SLC35F3: variants seen among roughly 807,000 people sequenced by gnomAD.
The protein encoded by SLC35F3 is solute carrier family 35 member F3.
Under a neutral mutation model 49.9 loss-of-function variants are expected in SLC35F3, and 25 were observed. The observed-to-expected ratio is 0.50, with a 90% CI of 0.37 to 0.70. The LOEUF (loss-of-function observed/expected upper bound fraction) is 0.70. SLC35F3 is among the 30% of genes least tolerant of loss of function. The probability of loss-of-function intolerance (pLI) is 0.00; values close to 1 mark genes in which losing one functional copy is unlikely to be tolerated. For missense variants in SLC35F3, 525 were observed against 639.8 expected (o/e 0.82, Z 1.94); for synonymous variants, 275 against 265.4 (o/e 1.04, Z -0.35).
chr1:233,967,378 A>G (rs1046865932), intron 2 of SLC35F3, among the ~76,000 whole-genome samples: 5 of 152,222 alleles, frequency 3.3e-5, no homozygotes, highest in African/African-American at 4.8e-5. Context: ...ACTTTACCTT[A>G]TTAGATAAGA....
intron 2 of SLC35F3, among the ~76,000 whole-genome samples, chr1:234,152,055 C>T (rs969374553): frequency 2.0e-5 from 3 of 150,540 alleles, no homozygotes; most frequent in African/African-American, 7.3e-5. Flanking sequence ...CCCCAAATGA[C>T]CAAGACCCAG....
chr1:234,211,044 G>A (rs966187845), intron 2 of SLC35F3, among the ~76,000 whole-genome samples: 3 of 152,256 alleles, frequency 2.0e-5, no homozygotes, highest in Non-Finnish European at 2.9e-5. Flanking sequence ...AGCAGTAGCT[G>A]AAAGGGGCCA....
chr1:234,134,212 T>C (rs7340109), intron 2 of SLC35F3, among the ~76,000 whole-genome samples: 70,400 of 150,556 alleles, frequency 0.47, 17,582 homozygotes, highest in Non-Finnish European at 0.56. Context: ...CAAAACTGAC[T>C]AAGTTTCTGC....
Position 234,320,114 on chromosome 1 carries a change from A to C in SLC35F3, c.1164A>C (p.Leu388Phe). ...TTATTTCAGCATTCAATATTGTATT[A>C]AATTTTGGAATTGCCGTTACATATC... ...SVLLLTFNIVLNFGIAVTYPT... is the reference protein window; with the variant it reads ...SVLLLTFNIVFNFGIAVTYPT... The change falls in exon 7 of 8, where the codon TTA becomes TTC. Residue 388 changes from leucine (L) to phenylalanine (F), a missense_variant. Leu to Phe is a conservative substitution (Grantham distance 22). This residue lies in a region of SLC35F3 where 216 missense variants were observed against 298.1 expected (regional missense o/e 0.72). Coordinates refer to ENST00000366618, the MANE Select transcript of SLC35F3 (RefSeq NM_173508.4). The surrounding 1 kb of genome is among the most constrained non-coding windows in gnomAD (Gnocchi z 4.8). 1.2e-6 allele frequency: 2 copies of C among 1,608,982 alleles called. No homozygotes were observed. The highest frequency in any genetic ancestry group is 1.7e-6 in the Non-Finnish European group (2 of 1,175,302).
At chr1:234,151,632 A>G (rs1006480175) in intron 2 of SLC35F3, among the ~76,000 whole-genome samples, 2 of 152,110 alleles carry the variant, frequency 1.3e-5, no homozygotes, top group African/African-American at 4.8e-5. Flanking sequence ...AAACTAGAAG[A>G]AACTCAAGAG....
At chr1:234,239,372 G>A (rs957555449) in intron 3 of SLC35F3, among the ~76,000 whole-genome samples, 83 of 152,298 alleles carry the variant, frequency 5.4e-4, no homozygotes, top group Middle Eastern at 6.8e-3. Context: ...CTATCCCAAT[G>A]TAAGAAATGT....
chr1:234,198,747 AT>A (rs1666851660), intron 2 of SLC35F3, among the ~76,000 whole-genome samples: 1 of 152,158 alleles, frequency 6.6e-6, no homozygotes, highest in South Asian at 2.1e-4. Flanking sequence ...TTAACTTACC[AT>A]TTTTTGTGGT....
intron 2 of SLC35F3, among the ~76,000 whole-genome samples, chr1:233,938,639 TGGATGGATGGAAGGATGGAG>T (rs1174892036): frequency 1.3e-5 from 2 of 150,982 alleles, no homozygotes; most frequent in African/African-American, 2.4e-5. Context: ...GATGGATGGA[TGGATGGATGGAAGGATGGAG>T]GGATGGATTG....
chr1:234,309,677 G>C (rs1657300357), intron 4 of SLC35F3, among the ~76,000 whole-genome samples: 1 of 152,258 alleles, frequency 6.6e-6, no homozygotes, highest in Admixed American at 6.5e-5. Context: ...GCTGTAGGGC[G>C]TGGCATGACC....
Position 234,187,253 on chromosome 1 carries a change from CA to C in SLC35F3, c.284-44162del, listed in dbSNP as rs562561351. ...AATTGTATACTATACCTAAAGTTCC[CA>C]ACCTCCTAGGCGAATGGAAAACCCA... On this transcript the variant is annotated intron_variant, in intron 2 of 7. Transcript: ENST00000366618. Among the ~76,000 whole-genome samples the C allele has an allele frequency of 6.0e-3, 920 of 152,286 alleles. 7 individuals are homozygous for C. Among genetic ancestry groups the C allele is most frequent in the South Asian group, 0.03 (146 of 4,824 alleles).
At chr1:234,181,421 C>T (rs1666556146) in intron 2 of SLC35F3, among the ~76,000 whole-genome samples, 1 of 151,604 alleles carries the variant, frequency 6.6e-6, no homozygotes, top group Non-Finnish European at 1.5e-5. Context: ...AAAATGTTAT[C>T]ACAGTATTAG....
At chr1:234,239,445 G>A (rs1329283944) in intron 3 of SLC35F3, among the ~76,000 whole-genome samples, 3 of 152,148 alleles carry the variant, frequency 2.0e-5, no homozygotes, top group Non-Finnish European at 4.4e-5. Context: ...CCAGCCGATA[G>A]GCACATTGAA....
At chr1:234,322,783 T>C (rs1028900122) in intron 7 of SLC35F3, among the ~76,000 whole-genome samples, 2 of 151,926 alleles carry the variant, frequency 1.3e-5, no homozygotes, top group African/African-American at 4.8e-5. Context: ...GGAGGTGACA[T>C]ACAAGTGCAA....
chr1:234,322,969 C>T (rs1657662434), intron 7 of SLC35F3, 39 bp from the exon 8 acceptor site: 1 of 1,584,396 alleles, frequency 6.3e-7, no homozygotes, highest in African/African-American at 1.3e-5. Flanking sequence ...ATGCCCCCAA[C>T]CCTGCAGCTG....
At chr1:234,252,112 C>CAAA (rs1667747359) in intron 3 of SLC35F3, among the ~76,000 whole-genome samples, 2 of 151,986 alleles carry the variant, frequency 1.3e-5, no homozygotes, top group African/African-American at 4.8e-5. Flanking sequence ...CTCTGTCTCC[C>CAAA]AAGCTGGAGT....
In SLC35F3 at chr1:234,320,070, C is replaced by T; in HGVS notation, c.1148-28C>T. The T allele has an allele frequency of 6.7e-7, 1 of 1,496,840 alleles. No homozygotes were observed. Among genetic ancestry groups the T allele is most frequent in the Non-Finnish European group, 9.3e-7 (1 of 1,073,018 alleles). 92.7% of individuals were successfully genotyped at this position (1,496,840 alleles called of 1,614,324 possible). A position where few individuals can be genotyped will look rare whatever the true frequency, so the allele number is the denominator to read the frequency against. On this transcript the variant is annotated intron_variant, in intron 6 of 7. Transcript: ENST00000366618. The surrounding 1 kb of genome is among the most constrained non-coding windows in gnomAD (Gnocchi z 4.8). ...TAAAGTACACAGCAGTCATGAATAA[C>T]ACTCGTTGTTTACATTCTTTATTTC...
chr1:234,047,551 A>G (rs894147298), intron 2 of SLC35F3, among the ~76,000 whole-genome samples: 1 of 152,194 alleles, frequency 6.6e-6, no homozygotes, highest in African/African-American at 2.4e-5. Flanking sequence ...TCATGAACTT[A>G]CTGGCCTTTG....
chr1:234,171,187 G>A (rs1447111384), intron 2 of SLC35F3, among the ~76,000 whole-genome samples: 1 of 152,202 alleles, frequency 6.6e-6, no homozygotes, highest in African/African-American at 2.4e-5. Flanking sequence ...CTGGAGTGGG[G>A]CAAGGTAACC....
rs61401819 is a variant in SLC35F3, at chr1:234,066,830, C to CCACA, written c.283+161115_283+161118dup. On this transcript the variant is annotated intron_variant, in intron 2 of 7. Coordinates refer to ENST00000366618, the MANE Select transcript of SLC35F3 (RefSeq NM_173508.4). The stretch of plus-strand genomic sequence containing the variant: ...CTCTCTGTCTCTGTCCCTCTCTCTC[C>CCACA]CACACACACACACACACACACACAC... Among the ~76,000 whole-genome samples the CCACA allele has an allele frequency of 3.9e-3, 528 of 135,194 alleles. 8 individuals are homozygous for CCACA. The highest frequency in any genetic ancestry group is 0.011 in the African/African-American group (377 of 35,084). 88.7% of individuals were successfully genotyped at this position (135,194 alleles called of 152,430 possible).
Sources: allele counts gnomAD v4.1 joint callset (sites outside exome capture counted in the v4.1 genomes callset), GRCh38; gene constraint gnomAD v4.1.1; regional missense constraint gnomAD v4.1.1; non-coding constraint Gnocchi (gnomAD v3.1); transcripts MANE v1.5; gene names NCBI Gene and HGNC (gene_info 2026-07-23, HGNC 2026-07-21).